SGMS1: variants seen among roughly 807,000 people sequenced by gnomAD.
SGMS1 encodes sphingomyelin synthase 1.
Under a neutral mutation model 46.2 loss-of-function variants are expected in SGMS1, and 13 were observed. The ratio of observed to expected loss-of-function variants is 0.28; its 90% CI spans 0.18 to 0.45. SGMS1 has a LOEUF of 0.45. Among genes scored for constraint, SGMS1 ranks in the 20% least tolerant of loss-of-function variants. The pLI is 1.00. For synonymous variants in SGMS1, 203 were observed against 187.8 expected (o/e 1.08, Z -0.66); for missense variants, 324 against 519.9 (o/e 0.62, Z 3.66).
At chr10:50,538,214 T>C (rs1377960431) in intron 2 of SGMS1, among the ~76,000 whole-genome samples, 2 of 151,240 alleles carry the variant, frequency 1.3e-5, no homozygotes, top group Non-Finnish European at 3.0e-5. Context: ...TCCCAGCACT[T>C]TGGGAGGCCG....
At position 50,380,572 on chromosome 10, in the gene SGMS1, T is replaced by G. The variant is rs561379605; in HGVS notation, c.-231-36227A>C. Reference sequence around the variant, plus strand: ...GTTCCTCCTCAGCCCATTAGCAGAATCAGTACAGAAACGTCCATGCCACTG... The same window carrying G: ...GTTCCTCCTCAGCCCATTAGCAGAAGCAGTACAGAAACGTCCATGCCACTG... On this transcript the variant is annotated intron_variant, in intron 6 of 10. Coordinates refer to ENST00000361781, the MANE Select transcript of SGMS1 (RefSeq NM_147156.4). Among the ~76,000 whole-genome samples, 45 of 152,088 alleles carry G rather than the reference T, an allele frequency of 3.0e-4. No homozygotes were observed. The South Asian group carries it at 9.1e-3, about 31-fold the overall frequency.
intron 6 of SGMS1, among the ~76,000 whole-genome samples, chr10:50,423,678 T>G (rs1222025363): frequency 1.3e-5 from 2 of 152,166 alleles, no homozygotes; most frequent in Non-Finnish European, 2.9e-5. Context: ...ATATAACACT[T>G]GGAATACATT....
intron 1 of SGMS1, among the ~76,000 whole-genome samples, chr10:50,612,326 C>T (rs949722485): frequency 6.6e-6 from 1 of 152,190 alleles, no homozygotes; most frequent in Non-Finnish European, 1.5e-5. Context: ...ATGGAGACAG[C>T]CTGCCAGAAG....
intron 2 of SGMS1, among the ~76,000 whole-genome samples, chr10:50,562,362 G>GCA (rs1277432557): frequency 5.0e-5 from 6 of 120,718 alleles, no homozygotes; most frequent in African/African-American, 1.8e-4. Flanking sequence ...GTGTGCGCGC[G>GCA]CGCACACACA....
rs1230374750 is a variant in SGMS1 at position 50,494,960 on chromosome 10, C to T, written c.-498+24871G>A. Among the ~76,000 whole-genome samples the T allele has an allele frequency of 1.0e-4, 15 of 149,918 alleles. No individual in the cohort carries two copies. In the South Asian group the frequency reaches 2.3e-3, roughly 23 times the overall value. ...CTGAGGCAGGAGAATGGCGTGAACCCGGGAGGCGGAGCTTGCAGTGAGCAG... is the reference window on the plus strand; with the variant it reads ...CTGAGGCAGGAGAATGGCGTGAACCTGGGAGGCGGAGCTTGCAGTGAGCAG... On this transcript the variant is annotated intron_variant, in intron 3 of 10. Coordinates refer to ENST00000361781, the MANE Select transcript of SGMS1 (RefSeq NM_147156.4).
chr10:50,535,300 T>C (rs1384190752), intron 2 of SGMS1, among the ~76,000 whole-genome samples: 3 of 152,152 alleles, frequency 2.0e-5, no homozygotes. Context: ...TAGCTGTTCA[T>C]ATGAAGCATG....
chr10:50,343,910 T>A lies in SGMS1; in HGVS notation c.205A>T (p.Met69Leu). 6.2e-7 allele frequency: 1 copy of A among 1,613,998 alleles called. No homozygotes were observed. The highest frequency in any genetic ancestry group is 8.5e-7 in the Non-Finnish European group (1 of 1,179,884). ...TTGTGTGCTTCCAAATGGTGCTCCA[T>A]TTTCAGGGTTTCTATCATGTCCAGG... is the stretch of plus-strand genomic sequence containing the variant. Reference protein sequence around the residue: ...RLLDMIETLKMEHHLEAHKNG... With the variant: ...RLLDMIETLKLEHHLEAHKNG... Residue 69 changes from methionine to leucine, a missense_variant, in exon 7 of 11, where the codon ATG (methionine) becomes TTG (leucine). Met to Leu is a conservative substitution (Grantham distance 15). Around this residue, in one of 2 missense-constraint regions of SGMS1, gnomAD observed 150 missense variants for 169.8 expected, o/e 0.88. Coordinates refer to ENST00000361781, the MANE Select transcript of SGMS1 (RefSeq NM_147156.4).
At chr10:50,441,877 A>C (rs1849550818) in intron 5 of SGMS1, among the ~76,000 whole-genome samples, 1 of 152,176 alleles carries the variant, frequency 6.6e-6, no homozygotes, top group African/African-American at 2.4e-5. Flanking sequence ...TTGCATGGAT[A>C]CTTCTACCAT....
At chr10:50,599,239 A>G (rs989674948) in intron 1 of SGMS1, among the ~76,000 whole-genome samples, 2 of 152,196 alleles carry the variant, frequency 1.3e-5, no homozygotes, top group Admixed American at 1.3e-4. Context: ...CAGTAACAAA[A>G]AAGCTCCCAT....
At chr10:50,580,161 G>A (rs566112726) in intron 2 of SGMS1, among the ~76,000 whole-genome samples, 97 of 152,140 alleles carry the variant, frequency 6.4e-4, no homozygotes, top group African/African-American at 2.2e-3. Flanking sequence ...TTTACACACT[G>A]TAAACACCAG....
intron 7 of SGMS1, chr10:50,342,451 G>T (rs776352402): frequency 2.6e-4 from 39 of 152,046 alleles, no homozygotes; most frequent in Non-Finnish European, 4.1e-4. Flanking sequence ...AAAGTGTCAG[G>T]AACTGCTTTT....
At chr10:50,509,996 C>T (rs1588858695) in intron 3 of SGMS1, among the ~76,000 whole-genome samples, 1 of 152,164 alleles carries the variant, frequency 6.6e-6, no homozygotes, top group African/African-American at 2.4e-5. Flanking sequence ...ATCACCACCA[C>T]AATCAAGATA....
At chr10:50,425,605 G>C (rs1377484764) in intron 6 of SGMS1, among the ~76,000 whole-genome samples, 1 of 152,140 alleles carries the variant, frequency 6.6e-6, no homozygotes, top group Non-Finnish European at 1.5e-5. Context: ...GACAGGGGAG[G>C]GAGGAAGGGA....
intron 2 of SGMS1, among the ~76,000 whole-genome samples, chr10:50,541,607 T>G (rs183176257): frequency 6.6e-6 from 1 of 150,906 alleles, no homozygotes; most frequent in Admixed American, 6.6e-5. Flanking sequence ...CCACAGAGAG[T>G]GGTTGTTAAG....
At chr10:50,600,520 A>C (rs1174659651) in intron 1 of SGMS1, among the ~76,000 whole-genome samples, 1 of 152,200 alleles carries the variant, frequency 6.6e-6, no homozygotes, top group Non-Finnish European at 1.5e-5. Context: ...GGGAATGAAT[A>C]TATTTTGAAC....
intron 2 of SGMS1, among the ~76,000 whole-genome samples, chr10:50,580,900 A>C (rs1838427139): frequency 6.6e-6 from 1 of 152,194 alleles, no homozygotes; most frequent in Admixed American, 6.5e-5. Flanking sequence ...ACAGTAAAGA[A>C]GGCAAATTTT....
At chr10:50,358,212 C>T (rs551139502) in intron 6 of SGMS1, among the ~76,000 whole-genome samples, 31 of 152,286 alleles carry the variant, frequency 2.0e-4, no homozygotes, top group African/African-American at 7.2e-4. Context: ...TGAAAGCTTA[C>T]AGTTGACTTA....
intron 8 of SGMS1, among the ~76,000 whole-genome samples, chr10:50,320,483 C>T (rs760894028): frequency 3.9e-5 from 6 of 152,170 alleles, no homozygotes; most frequent in Non-Finnish European, 7.4e-5. Context: ...TCCCAAATAC[C>T]CTACTATCTC....
chr10:50,430,325 AT>A (rs1238052729), intron 6 of SGMS1, among the ~76,000 whole-genome samples: 8 of 152,268 alleles, frequency 5.3e-5, no homozygotes, highest in Non-Finnish European at 1.2e-4. Context: ...ATCTACAATT[AT>A]GTAGATGTAT....
Sources: gnomAD v4.1 joint callset for allele counts (sites outside exome capture counted in the v4.1 genomes callset) on GRCh38, gnomAD v4.1.1 for gene constraint, gnomAD v4.1.1 regional missense constraint, MANE v1.5 for transcripts, NCBI Gene and HGNC (gene_info 2026-07-23, HGNC 2026-07-21) for gene names.